The following WAC variants were observed in gnomAD, a reference collection of about 807,000 sequenced individuals.
WAC encodes WW domain-containing adapter protein with coiled-coil.
A neutral mutation model predicts 79.6 loss-of-function variants in WAC; 11 were observed. The ratio of observed to expected loss-of-function variants is 0.14; its 90% confidence interval spans 0.09 to 0.23. The LOEUF (loss-of-function observed/expected upper bound fraction) is 0.23. WAC is among the 10% of genes least tolerant of loss of function. WAC has a pLI of 1.00. For synonymous variants in WAC, 304 were observed against 276.9 expected (o/e 1.10, Z -0.97); for missense variants, 728 against 773.5 (o/e 0.94, Z 0.70).
chr10:28,592,729 G>A (rs983063813), intron 6 of WAC, among the ~76,000 whole-genome samples: 1 of 152,060 alleles, frequency 6.6e-6, no homozygotes, highest in Non-Finnish European at 1.5e-5. Context: ...TCGTAAATAG[G>A]TAAAGTTTTT....
intron 3 of WAC, among the ~76,000 whole-genome samples, chr10:28,542,706 G>A (rs972727881): frequency 1.5e-4 from 23 of 152,294 alleles, no homozygotes; most frequent in African/African-American, 5.3e-4. Context: ...AACTAAGATA[G>A]CTATTAGATG....
chr10:28,617,942 G>A (rs370283644), intron 13 of WAC, 158 bp downstream of exon 13: 58 of 876,376 alleles, frequency 6.6e-5, no homozygotes, highest in African/African-American at 6.6e-4. Flanking sequence ...AATATTTCTC[G>A]TGAAGGATAA....
chr10:28,535,372 C>A, intron 2 of WAC, 190 bp from the exon 3 acceptor site: 2 of 423,950 alleles, frequency 4.7e-6, no homozygotes, highest in South Asian at 4.2e-5. Flanking sequence ...TATCAGGAGT[C>A]TTATTGTAAC....
At position 28,535,298 on chromosome 10, in the gene WAC, A is replaced by G. The variant is rs146202419; in HGVS notation, c.79-264A>G. 3.8e-5 allele frequency: 11 copies of G among 291,112 alleles called. 1 individual carries two copies. The East Asian group carries it at 6.6e-4, about 18-fold the overall frequency. 18.0% of individuals were successfully genotyped at this position (291,112 alleles called of 1,614,324 possible). A position where few individuals can be genotyped will look rare whatever the true frequency, so the allele number is the denominator to read the frequency against. The stretch of plus-strand genomic sequence containing the variant: ...GCCAAATTTTTTTATTTTTTGCAGA[A>G]TCAGTGTGCAAGGTGGTTTATAAGA... On this transcript the variant is annotated intron_variant, in intron 2 of 13. Transcript: ENST00000354911.
chr10:28,609,041 G>T (rs1029600626), intron 8 of WAC, among the ~76,000 whole-genome samples: 1 of 152,158 alleles, frequency 6.6e-6, no homozygotes, highest in African/African-American at 2.4e-5. Context: ...AAAAGTAGAT[G>T]TGTTAATTTG....
At chr10:28,549,568 A>G (rs1837550229) in intron 3 of WAC, among the ~76,000 whole-genome samples, 1 of 152,174 alleles carries the variant, frequency 6.6e-6, no homozygotes, top group Non-Finnish European at 1.5e-5. Context: ...ATATTGCAAT[A>G]TCTTGTTTAC....
intron 6 of WAC, among the ~76,000 whole-genome samples, chr10:28,594,398 T>C (rs1471252771): frequency 6.6e-6 from 1 of 152,234 alleles, no homozygotes; most frequent in African/African-American, 2.4e-5. Context: ...AATAAAACTT[T>C]TTAAATTTTA....
In WAC at chr10:28,609,089, C is replaced by G. The variant is rs556177954; in HGVS notation, c.1165+658C>G. Among the ~76,000 whole-genome samples the G allele has an allele frequency of 2.0e-5, 3 of 152,324 alleles. No individual in the cohort carries two copies. The South Asian group carries it at 6.2e-4, about 32-fold the overall frequency. ...ATTCACACGTTAATTCCTAAAAGCACTGCAAAATTTTCTGTTGAAAATGAT... is the reference window on the plus strand; with the variant it reads ...ATTCACACGTTAATTCCTAAAAGCAGTGCAAAATTTTCTGTTGAAAATGAT... On this transcript the variant is annotated intron_variant, in intron 8 of 13. Transcript: ENST00000354911.
intron 3 of WAC, among the ~76,000 whole-genome samples, chr10:28,578,260 C>A (rs1208921409): frequency 6.6e-6 from 1 of 152,154 alleles, no homozygotes; most frequent in Non-Finnish European, 1.5e-5. Context: ...GATTCAGATC[C>A]ACTACTGAGC....
chr10:28,606,369 GTTTTA>G (rs1252437959), intron 7 of WAC, among the ~76,000 whole-genome samples: 1 of 152,164 alleles, frequency 6.6e-6, no homozygotes, highest in East Asian at 1.9e-4. Context: ...AACATTTATC[GTTTTA>G]TTTGAGTTTC....
chr10:28,584,737 A>T (rs2132637654), intron 4 of WAC, among the ~76,000 whole-genome samples: 1 of 152,302 alleles, frequency 6.6e-6, no homozygotes, highest in East Asian at 1.9e-4. Flanking sequence ...ATTTCCATAG[A>T]AAATTGAGAC....
intron 3 of WAC, among the ~76,000 whole-genome samples, chr10:28,542,533 T>A (rs1298180125): frequency 2.6e-5 from 4 of 152,220 alleles, no homozygotes; most frequent in Non-Finnish European, 5.9e-5. Context: ...CCGCAATAAA[T>A]GGCACTTTAC....
At chr10:28,543,713 C>T (rs1311991375) in intron 3 of WAC, among the ~76,000 whole-genome samples, 2 of 152,138 alleles carry the variant, frequency 1.3e-5, no homozygotes, top group Non-Finnish European at 2.9e-5. Context: ...AGTACACGCT[C>T]ATTGTAGAAA....
At chr10:28,603,961 G>GTATATA (rs71391054) in intron 7 of WAC, among the ~76,000 whole-genome samples, 83 of 20,868 alleles carry the variant, frequency 4.0e-3, no homozygotes, top group African/African-American at 0.026. Flanking sequence ...ATGTATGTAT[G>GTATATA]TATATATATA....
At chr10:28,592,621 C>CA (rs890344607) in intron 6 of WAC, among the ~76,000 whole-genome samples, 3 of 147,158 alleles carry the variant, frequency 2.0e-5, no homozygotes, top group South Asian at 4.3e-4. Context: ...ACTCTGTCTC[C>CA]AAAAAAAAGA....
intron 3 of WAC, among the ~76,000 whole-genome samples, chr10:28,547,010 G>T (rs1029732241): frequency 1.3e-5 from 2 of 151,780 alleles, no homozygotes; most frequent in African/African-American, 4.8e-5. Flanking sequence ...TGGATACTTT[G>T]TCGATATTTT....
Position 28,621,215 on chromosome 10 carries a change from A to ATTTTTTTTTTTTTTTTTTTTT in WAC, c.*1629_*1630insTTTTTTTTTTTTTTTTTTTTT, listed in dbSNP as rs9331408. 2.0e-5 allele frequency: 2 copies of ATTTTTTTTTTTTTTTTTTTTT among 102,504 alleles called. No homozygotes were observed. The highest frequency in any genetic ancestry group is 3.9e-5 in the Non-Finnish European group (2 of 51,872). The allele number at this position is 102,504 out of a possible 1,614,324, so 6.3% of individuals were successfully genotyped here. A position where few individuals can be genotyped will look rare whatever the true frequency, so the allele number is the denominator to read the frequency against. ...TAAATTGGTTTAGGGTTTTTTGGTGATTTTTTTTTTTTTTTTTTTTCTGTT... is the reference window on the plus strand; with the variant it reads ...TAAATTGGTTTAGGGTTTTTTGGTGATTTTTTTTTTTTTTTTTTTTTTTTTTTTTTTTTTTTTTTTTCTGTT... On this transcript the variant is annotated 3_prime_UTR_variant, in exon 14 of 14. Coordinates refer to ENST00000354911, the MANE Select transcript of WAC (RefSeq NM_016628.5).
chr10:28,609,111 T>C (rs1841098681), intron 8 of WAC, among the ~76,000 whole-genome samples: 1 of 152,194 alleles, frequency 6.6e-6, no homozygotes, highest in South Asian at 2.1e-4. Context: ...CTGTTGAAAA[T>C]GATAAATTTT....
chr10:28,545,132 G>A (rs1196361605), intron 3 of WAC, among the ~76,000 whole-genome samples: 4 of 151,524 alleles, frequency 2.6e-5, no homozygotes, highest in African/African-American at 9.7e-5. Flanking sequence ...AGCTTTTAAA[G>A]TTACAGCTTC....
Sources: allele counts gnomAD v4.1 joint callset (sites outside exome capture counted in the v4.1 genomes callset), GRCh38; gene constraint gnomAD v4.1.1; transcripts MANE v1.5; gene names NCBI Gene and HGNC (gene_info 2026-07-23, HGNC 2026-07-21).